Variants in DYRK1A observed in about 807,000 individuals in gnomAD.
DYRK1A encodes dual specificity tyrosine phosphorylation regulated kinase 1A, also known as dual specificity tyrosine-phosphorylation-regulated kinase 1A.
A neutral mutation model predicts 79.7 loss-of-function variants in DYRK1A; 9 were observed. The ratio of observed to expected loss-of-function variants is 0.11; its 90% CI spans 0.07 to 0.20. The LOEUF (loss-of-function observed/expected upper bound fraction) is 0.20, where lower values mean the gene tolerates loss of function less well. Among genes scored for constraint, DYRK1A ranks in the 10% least tolerant of loss-of-function variants. DYRK1A has a pLI of 1.00. For synonymous variants in DYRK1A, 349 were observed against 329.7 expected, an observed-to-expected ratio of 1.06 and a Z score of -0.63; for missense variants, 622 against 956.0, an observed-to-expected ratio of 0.65 and a Z score of 4.61.
intron 2 of DYRK1A, chr21:37,421,840 C>G (rs1201612694): frequency 6.6e-6 from 1 of 152,082 alleles, no homozygotes; most frequent in Non-Finnish European, 1.5e-5. Flanking sequence ...ATTGGCTATA[C>G]CAAGTAGATG....
chr21:37,366,477 C>T (rs1008663779), upstream of DYRK1A, among the ~76,000 whole-genome samples: 8 of 148,980 alleles, frequency 5.4e-5, no homozygotes, highest in East Asian at 4.0e-4. Context: ...CCTCGCCCCC[C>T]CTTCCCCAGC....
At chr21:37,450,837 C>T (rs918762369) in intron 2 of DYRK1A, among the ~76,000 whole-genome samples, 3 of 152,168 alleles carry the variant, frequency 2.0e-5, no homozygotes, top group East Asian at 1.9e-4. Flanking sequence ...ATTGTGAGAG[C>T]ATGCTGATGG....
At chr21:37,397,111 G>A (rs1225385905) in intron 1 of DYRK1A, among the ~76,000 whole-genome samples, 1 of 152,170 alleles carries the variant, frequency 6.6e-6, no homozygotes, top group South Asian at 2.1e-4. Flanking sequence ...AGTGGCACTT[G>A]TTTTCACATT....
intron 5 of DYRK1A, chr21:37,481,559 C>G (rs2052642089): frequency 1.3e-5 from 2 of 152,144 alleles, no homozygotes; most frequent in Non-Finnish European, 2.9e-5. Context: ...CCACACCTGG[C>G]TAATTTTTGT....
At chr21:37,495,939 G>A (rs1279414891) in intron 8 of DYRK1A, among the ~76,000 whole-genome samples, 179 bp from the exon 9 acceptor site, 2 of 152,114 alleles carry the variant, frequency 1.3e-5, no homozygotes, top group Non-Finnish European at 2.9e-5. Flanking sequence ...CTTCTGTGGG[G>A]TATTTGACTC....
rs543432107 is a variant in DYRK1A at position 37,515,780 on chromosome 21, G to T, written c.*3249G>T. ...ATGTAAGAAAGGAAAACTTCCATTA[G>T]TTTTCTTCTTAGGGTGTGAGAATTT... On this transcript the variant is annotated 3_prime_UTR_variant, in exon 12 of 12. Coordinates refer to ENST00000647188, the MANE Select transcript of DYRK1A (RefSeq NM_001347721.2). 4.0e-5 allele frequency: 6 copies of T among 151,568 alleles called. No individual in the cohort carries two copies. Among genetic ancestry groups the T allele is most frequent in the African/African-American group, 1.5e-4 (6 of 41,300 alleles). 9.4% of individuals were successfully genotyped at this position (151,568 alleles called of 1,614,324 possible). A position where few individuals can be genotyped will look rare whatever the true frequency, so the allele number is the denominator to read the frequency against.
At chr21:37,509,253 G>C (rs1035795635) in intron 11 of DYRK1A, among the ~76,000 whole-genome samples, 1 of 152,062 alleles carries the variant, frequency 6.6e-6, no homozygotes, top group Non-Finnish European at 1.5e-5. Context: ...TCCACCCTTT[G>C]TACACAAATA....
At chr21:37,500,748 C>A (rs8132976) in intron 9 of DYRK1A, among the ~76,000 whole-genome samples, 82,715 of 151,552 alleles carry the variant, frequency 0.55, 23,150 homozygotes, top group African/African-American at 0.67. Flanking sequence ...TTGGCGTAAA[C>A]TTATCAATAA....
chr21:37,428,665 T>G (rs775949326), intron 2 of DYRK1A, among the ~76,000 whole-genome samples: 61 of 152,148 alleles, frequency 4.0e-4, no homozygotes, highest in Non-Finnish European at 7.5e-4. Context: ...GATTTGTTTT[T>G]TGTATTTTTA....
At chr21:37,508,682 C>A (rs934489016) in intron 11 of DYRK1A, among the ~76,000 whole-genome samples, 2 of 152,142 alleles carry the variant, frequency 1.3e-5, no homozygotes, top group Admixed American at 1.3e-4. Context: ...AGGATCTGGT[C>A]CCCACCGAGG....
chr21:37,486,666 G>T, intron 6 of DYRK1A, 52 bp downstream of exon 6: 2 of 1,367,810 alleles, frequency 1.5e-6, no homozygotes, highest in South Asian at 2.0e-5. Context: ...CCAAAACTTT[G>T]AGTTAATGGT....
chr21:37,376,527 T>C (rs78964883), intron 1 of DYRK1A, among the ~76,000 whole-genome samples: 2,195 of 152,258 alleles, frequency 0.014, 20 homozygotes, highest in Non-Finnish European at 0.022. Flanking sequence ...TTAAGAAATA[T>C]CACCTTGTGG....
chr21:37,401,397 T>C (rs1176761059), intron 1 of DYRK1A, among the ~76,000 whole-genome samples: 2 of 152,174 alleles, frequency 1.3e-5, no homozygotes, highest in Admixed American at 1.3e-4. Context: ...GCCTGTTTTT[T>C]ACCTTTTACA....
rs901918447 is a variant in DYRK1A at position 37,367,536 on chromosome 21, G to C, written c.-169G>C. 26 of 148,844 alleles carry C rather than the reference G, an allele frequency of 1.7e-4. No individual in the cohort carries two copies. Among genetic ancestry groups the C allele is most frequent in the Admixed American group, 1.7e-3 (25 of 14,976 alleles). The allele number at this position is 148,844 out of a possible 1,614,324, so 9.2% of individuals were successfully genotyped here. A position where few individuals can be genotyped will look rare whatever the true frequency, so the allele number is the denominator to read the frequency against. ...GGCGGAGAGAGGCTGCCGGGGCGGC[G>C]CTGGCTGCGGAGGCCGCGGCGGGAG... On this transcript the variant is annotated 5_prime_UTR_variant, in exon 1 of 12. Transcript: ENST00000647188.
At chr21:37,493,614 CTG>C (rs909899545) in intron 8 of DYRK1A, among the ~76,000 whole-genome samples, 8 of 152,248 alleles carry the variant, frequency 5.3e-5, no homozygotes, top group Admixed American at 2.6e-4. Flanking sequence ...GCTACAGAGA[CTG>C]TGTGCAGTTC....
At chr21:37,488,730 A>C in intron 6 of DYRK1A, 1 of 985,436 alleles carries the variant, frequency 1.0e-6, no homozygotes, top group Non-Finnish European at 1.2e-6. Flanking sequence ...TTGGACGAAC[A>C]TTGTGATCAC....
At chr21:37,370,357 A>G (rs1398401428) in intron 1 of DYRK1A, among the ~76,000 whole-genome samples, 3 of 149,546 alleles carry the variant, frequency 2.0e-5, no homozygotes, top group South Asian at 2.1e-4. Flanking sequence ...GTGTCTGTTT[A>G]TGGTTGACAA....
intron 1 of DYRK1A, among the ~76,000 whole-genome samples, chr21:37,390,767 G>C (rs941452314): frequency 2.0e-5 from 3 of 151,822 alleles, no homozygotes; most frequent in African/African-American, 7.3e-5. Context: ...ATGGGGTTTC[G>C]CCATGTTGCC....
In DYRK1A at chr21:37,403,645, A is replaced by AT. The variant is rs1569295329; in HGVS notation, c.-76-16654_-76-16653insT. On this transcript the variant is annotated intron_variant, in intron 1 of 11. Transcript: ENST00000647188. Reference sequence around the variant, plus strand: ...TATGCTCAGCTAATTAAAAAAAAAAAAAAATATATATATATATATGTGTGT... The same window carrying AT: ...TATGCTCAGCTAATTAAAAAAAAAAATAAAATATATATATATATATGTGTGT... 5.7e-3 allele frequency among the ~76,000 whole-genome samples: 583 copies of AT among 102,588 alleles called. 7 individuals are homozygous for AT. Among genetic ancestry groups the AT allele is most frequent in the Admixed American group, 0.016 (162 of 10,114 alleles). The allele number at this position is 102,588 out of a possible 152,430, so 67.3% of individuals were successfully genotyped here. A position where few individuals can be genotyped will look rare whatever the true frequency, so the allele number is the denominator to read the frequency against.
Sources: allele counts gnomAD v4.1 joint callset (sites outside exome capture counted in the v4.1 genomes callset), GRCh38; gene constraint gnomAD v4.1.1; transcripts MANE v1.5; gene names NCBI Gene and HGNC (gene_info 2026-07-23, HGNC 2026-07-21).